SDK1: variants seen among roughly 807,000 people sequenced by gnomAD.
SDK1 encodes sidekick cell adhesion molecule 1.
SDK1 carries 157 observed loss-of-function variants against 245.5 expected under a neutral mutation model. The observed-to-expected ratio is 0.64, with a 90% CI of 0.56 to 0.73. The LOEUF (loss-of-function observed/expected upper bound fraction) is 0.73, where lower values mean the gene tolerates loss of function less well. Ranked by LOEUF, SDK1 falls within the 30% of genes least tolerant of loss-of-function variation. The probability of loss-of-function intolerance (pLI) is 0.00; values close to 1 mark genes in which losing one functional copy is unlikely to be tolerated. For missense variants in SDK1, 3,583 were observed against 3,002.3 expected, an observed-to-expected ratio of 1.19 and a Z score of -4.52; for synonymous variants, 1,647 against 1,278.5, an observed-to-expected ratio of 1.29 and a Z score of -6.15.
At chr7:3,476,595 A>G (rs901918783) in intron 1 of SDK1, among the ~76,000 whole-genome samples, 8 of 152,312 alleles carry the variant, frequency 5.3e-5, no homozygotes, top group African/African-American at 1.9e-4. Context: ...TTTTCTACCT[A>G]TGCCATTGTT....
intron 1 of SDK1, among the ~76,000 whole-genome samples, chr7:3,420,326 TTGA>T (rs1281200015): frequency 6.6e-6 from 1 of 152,232 alleles, no homozygotes; most frequent in African/African-American, 2.4e-5. Context: ...TTTGCACAGT[TTGA>T]TGGATTGCCA....
intron 5 of SDK1, among the ~76,000 whole-genome samples, chr7:3,932,120 T>G (rs1234319595): frequency 6.6e-6 from 1 of 152,224 alleles, no homozygotes; most frequent in Non-Finnish European, 1.5e-5. Context: ...AACAATCACA[T>G]AAATGGAATT....
intron 4 of SDK1, among the ~76,000 whole-genome samples, chr7:3,706,526 C>CA (rs1159915473): frequency 1.3e-5 from 2 of 152,154 alleles, no homozygotes; most frequent in African/African-American, 2.4e-5. Flanking sequence ...CTCGGCCTCC[C>CA]AAATAGCTGG....
At chr7:3,540,500 C>T (rs1369991740) in intron 1 of SDK1, among the ~76,000 whole-genome samples, 1 of 152,118 alleles carries the variant, frequency 6.6e-6, no homozygotes, top group African/African-American at 2.4e-5. Flanking sequence ...TGAAAAGGCG[C>T]AGTTAAAGAA....
At chr7:4,160,285 A>G (rs1487361573) in intron 31 of SDK1, among the ~76,000 whole-genome samples, 1 of 152,218 alleles carries the variant, frequency 6.6e-6, no homozygotes, top group Non-Finnish European at 1.5e-5. Context: ...AGCTGATGTC[A>G]TTGTCGTAAT....
intron 1 of SDK1, among the ~76,000 whole-genome samples, chr7:3,503,867 A>G (rs529130599): frequency 1.3e-5 from 2 of 151,900 alleles, no homozygotes; most frequent in African/African-American, 4.8e-5. Context: ...ATATGTAGAT[A>G]AAGGCAAGGC....
At chr7:3,387,424 T>C (rs1182438146) in intron 1 of SDK1, among the ~76,000 whole-genome samples, 3 of 152,172 alleles carry the variant, frequency 2.0e-5, no homozygotes, top group Non-Finnish European at 4.4e-5. Context: ...TGAAGCTCTG[T>C]CTCCTTTTTG....
chr7:4,009,989 C>G lies in SDK1; in HGVS notation c.2132-977C>G, dbSNP rs73298927. Among the ~76,000 whole-genome samples, 1,240 of 152,342 alleles carry G rather than the reference C, an allele frequency of 8.1e-3. 16 individuals carry two copies. Among genetic ancestry groups the G allele is most frequent in the African/African-American group, 0.028 (1,177 of 41,580 alleles). On this transcript the variant is annotated intron_variant, in intron 14 of 44. Coordinates refer to ENST00000404826, the MANE Select transcript of SDK1 (RefSeq NM_152744.4). ...ACACGCAGCTGGTACTGTCTGCAGGCTCTGCCTAGCCCAACACTATGGTGG... is the reference window on the plus strand; with the variant it reads ...ACACGCAGCTGGTACTGTCTGCAGGGTCTGCCTAGCCCAACACTATGGTGG...
At chr7:4,170,084 G>A (rs1781745795) in intron 32 of SDK1, among the ~76,000 whole-genome samples, 1 of 152,150 alleles carries the variant, frequency 6.6e-6, no homozygotes, top group Non-Finnish European at 1.5e-5. Context: ...CTTCTAAGAA[G>A]GTTAAGTAAA....
At chr7:4,130,993 G>A (rs150183506) in intron 27 of SDK1, among the ~76,000 whole-genome samples, 2 of 152,026 alleles carry the variant, frequency 1.3e-5, no homozygotes, top group East Asian at 1.9e-4. Flanking sequence ...CCTGATCCTC[G>A]CCTCGCCTCA....
At chr7:3,805,776 G>T (rs779486476) in intron 4 of SDK1, among the ~76,000 whole-genome samples, 7 of 152,110 alleles carry the variant, frequency 4.6e-5, no homozygotes, top group Non-Finnish European at 1.0e-4. Flanking sequence ...ACATCATCCA[G>T]TGTATCCAAA....
Position 3,789,738 on chromosome 7 carries a change from G to T in SDK1, c.714-31712G>T, listed in dbSNP as rs1781021258. Reference sequence around the variant, plus strand: ...CAAGTGTGAGGTACGAGGGAAAAGGGATTGGAGAGGAGGCAGCAGGAGGCT... The same window carrying T: ...CAAGTGTGAGGTACGAGGGAAAAGGTATTGGAGAGGAGGCAGCAGGAGGCT... On this transcript the variant is annotated intron_variant, in intron 4 of 44. Coordinates refer to ENST00000404826, the MANE Select transcript of SDK1 (RefSeq NM_152744.4). Among the ~76,000 whole-genome samples, 5 of 152,168 alleles carry T rather than the reference G, an allele frequency of 3.3e-5. 1 individual carries two copies. In the South Asian group the frequency reaches 1.0e-3, roughly 32 times the overall value.
At chr7:3,538,842 G>A (rs938964848) in intron 1 of SDK1, among the ~76,000 whole-genome samples, 2 of 152,210 alleles carry the variant, frequency 1.3e-5, no homozygotes, top group Non-Finnish European at 2.9e-5. Context: ...ATAGAAGAGG[G>A]CCAAAGAAAG....
In SDK1 at chr7:4,267,926, C is replaced by A; in HGVS notation, c.*2542C>A. ...GCAAAGGAACAGAGCTGGATGTTTC[C>A]AGGTAGATTTTGGCCTCCCAGAGCA... On this transcript the variant is annotated 3_prime_UTR_variant, in exon 45 of 45. Coordinates refer to ENST00000404826, the MANE Select transcript of SDK1 (RefSeq NM_152744.4). 1.0e-6 allele frequency: 1 copy of A among 985,528 alleles called. No homozygotes were observed. The highest frequency in any genetic ancestry group is 1.2e-6 in the Non-Finnish European group (1 of 830,018). The allele number at this position is 985,528 out of a possible 1,614,324, so 61.0% of individuals were successfully genotyped here.
At chr7:3,830,037 T>C (rs976496238) in intron 5 of SDK1, among the ~76,000 whole-genome samples, 1 of 152,166 alleles carries the variant, frequency 6.6e-6, no homozygotes, top group African/African-American at 2.4e-5. Context: ...AGACAGCACA[T>C]AGGACATAAA....
chr7:3,875,839 C>A lies in SDK1; in HGVS notation c.847+54256C>A, dbSNP rs368594956. Among the ~76,000 whole-genome samples the A allele has an allele frequency of 9.9e-5, 15 of 152,196 alleles. No homozygotes were observed. The South Asian group carries it at 2.5e-3, about 25-fold the overall frequency. On this transcript the variant is annotated intron_variant, in intron 5 of 44. Coordinates refer to ENST00000404826, the MANE Select transcript of SDK1 (RefSeq NM_152744.4). ...TCCTTGGGAATCTCCACCTTCAGGC[C>A]CCTTAATATGTAAGAGTGTACCACC...
At chr7:4,206,136 G>A (rs980201355) in intron 36 of SDK1, 142 bp downstream of exon 36, 1 of 612,064 alleles carries the variant, frequency 1.6e-6, no homozygotes, top group Non-Finnish European at 2.9e-6. Flanking sequence ...AGCTTGGCTA[G>A]ACCTGGCCTG....
intron 1 of SDK1, among the ~76,000 whole-genome samples, chr7:3,593,004 A>G (rs1780932786): frequency 6.6e-6 from 1 of 152,200 alleles, no homozygotes; most frequent in Admixed American, 6.5e-5. Flanking sequence ...GTGGAAACGC[A>G]TTGCTGACAC....
intron 1 of SDK1, among the ~76,000 whole-genome samples, chr7:3,526,129 G>A (rs1783121611): frequency 1.3e-5 from 2 of 151,954 alleles, no homozygotes; most frequent in South Asian, 4.1e-4. Context: ...AGCTATTCAG[G>A]AGCTGAGGCA....
Sources: gnomAD v4.1 joint callset for allele counts (sites outside exome capture counted in the v4.1 genomes callset) on GRCh38, gnomAD v4.1.1 for gene constraint, MANE v1.5 for transcripts, NCBI Gene and HGNC (gene_info 2026-07-23, HGNC 2026-07-21) for gene names.